TMC6: variants seen among roughly 807,000 people sequenced by gnomAD.
The protein encoded by TMC6 is transmembrane channel-like protein 6.
A neutral mutation model predicts 95.4 loss-of-function variants in TMC6; 71 were observed. The observed-to-expected ratio is 0.74, with a 90% CI of 0.61 to 0.91. The LOEUF is 0.91. Among genes scored for constraint, TMC6 ranks in the 40% least tolerant of loss-of-function variants. TMC6 has a pLI of 0.00. For missense variants in TMC6, 1,074 were observed against 1,079.1 expected (o/e 1.00, Z 0.07); for synonymous variants, 514 against 483.1 (o/e 1.06, Z -0.84).
chr17:78,131,630 G>A (rs1486961271), upstream of TMC6: 38 of 1,553,904 alleles, frequency 2.4e-5, no homozygotes, highest in Non-Finnish European at 3.3e-5. Flanking sequence ...GGGCCCCTGG[G>A]GTGCCGGAGC....
upstream of TMC6, chr17:78,131,153 A>G: frequency 3.8e-6 from 1 of 260,612 alleles, no homozygotes; most frequent in Non-Finnish European, 7.6e-6. Context: ...AAGAGAGGGA[A>G]TTGTCTCTCC....
At chr17:78,127,667 G>A (rs976611637) in intron 1 of TMC6, among the ~76,000 whole-genome samples, 1 of 152,208 alleles carries the variant, frequency 6.6e-6, no homozygotes, top group Non-Finnish European at 1.5e-5. Context: ...AGCCACCAGC[G>A]AGTCCTGCCG....
At chr17:78,119,695 C>T (rs937287132) in intron 13 of TMC6, 16 of 447,642 alleles carry the variant, frequency 3.6e-5, no homozygotes, top group Non-Finnish European at 4.6e-5. Flanking sequence ...AGCACAGTGA[C>T]GCAATCGTGG....
intron 15 of TMC6, 86 bp from the exon 16 acceptor site, chr17:78,118,021 ACCAGGGCTGTGCGT>A (rs2074220612): frequency 6.5e-7 from 1 of 1,545,296 alleles, no homozygotes; most frequent in Non-Finnish European, 8.7e-7. Flanking sequence ...GGGAAGGGCG[ACCAGGGCTGTGCGT>A]CCAGGCAGAG....
chr17:78,131,934 C>T, upstream of TMC6: 1 of 1,504,160 alleles, frequency 6.6e-7, no homozygotes, highest in Non-Finnish European at 8.8e-7. Context: ...GCGGTGGCAG[C>T]GCCGGCGGCA....
At position 78,124,704 on chromosome 17, in the gene TMC6, G is replaced by A. The variant is rs764106335; in HGVS notation, c.711C>T (p.Ile237=). 75 of 1,598,708 alleles carry A rather than the reference G, an allele frequency of 4.7e-5. No individual in the cohort carries two copies. In the South Asian group the frequency reaches 5.1e-4, roughly 11 times the overall value. The change falls in exon 8 of 20, where the codon ATC becomes ATT. Residue 237 remains isoleucine, a synonymous_variant. Coordinates refer to ENST00000590602, the MANE Select transcript of TMC6 (RefSeq NM_001127198.5). ...LMPWRYALKR[I]GGQFGSSVLS... is the part of the protein sequence containing the mutation. The stretch of plus-strand genomic sequence containing the variant: ...GCACGCTGGAGCCGAACTGGCCCCC[G>A]ATGCGCTTCAGGGCGTAGCGCCACG...
Position 78,110,954 on chromosome 17 carries a change from C to T in TMC6, c.*2194G>A, listed in dbSNP as rs1449360078. 3 of 110,558 alleles carry T rather than the reference C, an allele frequency of 2.7e-5. No individual in the cohort carries two copies. The highest frequency in any genetic ancestry group is 5.9e-4 in the East Asian group (2 of 3,406). 6.8% of individuals were successfully genotyped at this position (110,558 alleles called of 1,614,324 possible). ...CACACGGTGGGTCCGGAGACAGAAA[C>T]GAGGAGAGGACGGGCTCACCCAGCC... On this transcript the variant is annotated 3_prime_UTR_variant, in exon 20 of 20. Transcript: ENST00000590602.
Position 78,117,847 on chromosome 17 carries a change from G to T in TMC6, c.1976C>A (p.Pro659His). 6.2e-7 allele frequency: 1 copy of T among 1,608,256 alleles called. No individual in the cohort carries two copies. The highest frequency in any genetic ancestry group is 8.5e-7 in the Non-Finnish European group (1 of 1,177,622). ...STVFLTLLCF[P>H]AFLGAAVFLC... is the part of the protein sequence containing the mutation. ...GAAGACAGCGGCGCCCAGGAAGGCG[G>T]GGAAGCAGAGCAGCGTGAGGAAGAC... Residue 659 changes from proline (P) to histidine (H), a missense_variant, in exon 16 of 20, where the codon CCC (proline) becomes CAC (histidine). Pro to His is a moderately conservative substitution (Grantham distance 77). Transcript: ENST00000590602.
Position 78,125,209 on chromosome 17 carries a change from T to C in TMC6, c.485A>G (p.Asp162Gly), listed in dbSNP as rs773599642. ...ELQSLAVAQR[D>G]HMLRGMPLSL... Reference sequence around the variant, plus strand: ...TAAGGGCATCCCGCGAAGCATGTGGTCCCGCTGTGCCACTGCCAGGCTCTG... The same window carrying C: ...TAAGGGCATCCCGCGAAGCATGTGGCCCCGCTGTGCCACTGCCAGGCTCTG... The change falls in exon 6 of 20, where the codon GAC (aspartate) becomes GGC (glycine). Residue 162 changes from aspartate to glycine, a missense_variant. Asp to Gly is a moderately conservative substitution (Grantham distance 94). Coordinates refer to ENST00000590602, the MANE Select transcript of TMC6 (RefSeq NM_001127198.5). 9 of 1,590,220 alleles carry C rather than the reference T, an allele frequency of 5.7e-6. No individual in the cohort carries two copies. The highest frequency in any genetic ancestry group is 7.7e-6 in the Non-Finnish European group (9 of 1,168,028).
At position 78,107,827 on chromosome 17, in the gene TMC6, G is replaced by A. The variant is rs1346059892; in HGVS notation, c.*5321C>T. ...GAGGAGTGCCACTCACTTTTGCCTA[G>A]GGTCCAGTTGGGGCTTAAAAAATAT... On this transcript the variant is annotated 3_prime_UTR_variant, in exon 20 of 20. Transcript: ENST00000590602. 2 of 152,234 alleles carry A rather than the reference G, an allele frequency of 1.3e-5. No homozygotes were observed. The highest frequency in any genetic ancestry group is 4.8e-5 in the African/African-American group (2 of 41,460). The allele number at this position is 152,234 out of a possible 1,614,324, so 9.4% of individuals were successfully genotyped here.
intron 18 of TMC6, among the ~76,000 whole-genome samples, chr17:78,114,753 C>T (rs534502956): frequency 1.7e-4 from 26 of 152,312 alleles, no homozygotes; most frequent in East Asian, 9.7e-4. Flanking sequence ...TAGCTTCTAT[C>T]GAGTTGCTGA....
In TMC6 at chr17:78,125,903, AGGGCC is replaced by A. The variant is rs1263412231; in HGVS notation, c.272-24_272-20del. On this transcript the variant is annotated intron_variant, in intron 4 of 19. Transcript: ENST00000590602. ...CTGCGGCCTATGGAGGCAGCTGGGC[AGGGCC>A]GGGCCGGGCAGGGCCAGGCCTCCCT... 2 of 1,550,160 alleles carry A rather than the reference AGGGCC, an allele frequency of 1.3e-6. No individual in the cohort carries two copies. Among genetic ancestry groups the A allele is most frequent in the East Asian group, 2.4e-5 (1 of 40,918 alleles).
chr17:78,121,492 G>T lies in TMC6; in HGVS notation c.1383+64C>A, dbSNP rs1022409339. ...AGAGGCAAGGCTGCCTCCCCAGGGG[G>T]CAGGTGCCCAGAGTCACTGGGGACA... is the stretch of plus-strand genomic sequence containing the variant. On this transcript the variant is annotated intron_variant, in intron 11 of 19. Transcript: ENST00000590602. This position sits in a 1 kb window ranked among gnomAD's most constrained non-coding sequence, Gnocchi z 5.6. The T allele has an allele frequency of 6.2e-7, 1 of 1,606,960 alleles. No individual in the cohort carries two copies. The highest frequency in any genetic ancestry group is 8.5e-7 in the Non-Finnish European group (1 of 1,178,040).
rs1275120529 is a variant in TMC6 at position 78,117,602 on chromosome 17, G to A, written c.2064C>T (p.Asp688=). The A allele has an allele frequency of 1.9e-6, 3 of 1,581,960 alleles. No homozygotes were observed. The highest frequency in any genetic ancestry group is 2.6e-6 in the Non-Finnish European group (3 of 1,165,554). ...SSTCGPFRTL[D]TMYEAGRVWV... ...ACACCCTGCCGGCCTCGTACATGGT[G>A]TCCAGGGTCCGGAAGGGGCCGCAGG... Residue 688 remains aspartate (D), a synonymous_variant, in exon 17 of 20, where the codon GAC becomes GAT. Coordinates refer to ENST00000590602, the MANE Select transcript of TMC6 (RefSeq NM_001127198.5).
chr17:78,114,589 G>A (rs939746917), intron 18 of TMC6, among the ~76,000 whole-genome samples: 15 of 152,052 alleles, frequency 9.9e-5, no homozygotes, highest in African/African-American at 3.4e-4. Flanking sequence ...GGGTCAGACC[G>A]GGATTCCCCG....
Position 78,113,212 on chromosome 17 carries a change from C to T in TMC6, c.2355-1G>A. Reference sequence around the variant, plus strand: ...CGCAGCCTCCTCGGTTGTCCCAACCCTGCCAGAAAGAGACATCACTGAGGG... The same window carrying T: ...CGCAGCCTCCTCGGTTGTCCCAACCTTGCCAGAAAGAGACATCACTGAGGG... On this transcript the variant is annotated splice_acceptor_variant, in intron 19 of 19. Coordinates refer to ENST00000590602, the MANE Select transcript of TMC6 (RefSeq NM_001127198.5). LOFTEE classifies it high-confidence loss of function. 1.3e-6 allele frequency: 2 copies of T among 1,553,754 alleles called. No individual in the cohort carries two copies. Among genetic ancestry groups the T allele is most frequent in the Non-Finnish European group, 1.7e-6 (2 of 1,147,628 alleles).
At position 78,126,201 on chromosome 17, in the gene TMC6, G is replaced by C. The variant is rs1207108728; in HGVS notation, c.271+76C>G. 2.0e-6 allele frequency: 3 copies of C among 1,520,952 alleles called. No homozygotes were observed. The Admixed American group carries it at 5.9e-5, about 30-fold the overall frequency. The allele number at this position is 1,520,952 out of a possible 1,614,324, so 94.2% of individuals were successfully genotyped here. ...CCACTACCCAGGGAGATGCCTGGCA[G>C]GAAGCCCAGCCCAGCCCCAGGGACT... On this transcript the variant is annotated intron_variant, in intron 4 of 19. Coordinates refer to ENST00000590602, the MANE Select transcript of TMC6 (RefSeq NM_001127198.5).
Position 78,111,729 on chromosome 17 carries a change from G to A in TMC6, c.*1419C>T. ...CTAGACCCAGCGTGGGGGTCTGCTAGCAGCCAGTGGCATCTCCATCTGGGT... is the reference window on the plus strand; with the variant it reads ...CTAGACCCAGCGTGGGGGTCTGCTAACAGCCAGTGGCATCTCCATCTGGGT... On this transcript the variant is annotated 3_prime_UTR_variant, in exon 20 of 20. Coordinates refer to ENST00000590602, the MANE Select transcript of TMC6 (RefSeq NM_001127198.5). The A allele has an allele frequency of 5.8e-6, 1 of 173,574 alleles. No individual in the cohort carries two copies. The highest frequency in any genetic ancestry group is 1.0e-4 in the South Asian group (1 of 9,562). The allele number at this position is 173,574 out of a possible 1,614,324, so 10.8% of individuals were successfully genotyped here.
intron 18 of TMC6, among the ~76,000 whole-genome samples, chr17:78,115,358 C>A (rs2074012425): frequency 6.6e-6 from 1 of 152,180 alleles, no homozygotes; most frequent in Non-Finnish European, 1.5e-5. Flanking sequence ...TGCCTAAGGA[C>A]ACTGGCACTC....
Sources: allele counts gnomAD v4.1 joint callset (sites outside exome capture counted in the v4.1 genomes callset), GRCh38; gene constraint gnomAD v4.1.1; non-coding constraint Gnocchi (gnomAD v3.1); transcripts MANE v1.5; gene names NCBI Gene and HGNC (gene_info 2026-07-23, HGNC 2026-07-21).